The following DMD variants were observed in gnomAD, a reference collection of about 807,000 sequenced individuals.
DMD encodes the protein dystrophin.
Under a neutral mutation model 330.1 loss-of-function variants are expected in DMD, and 63 were observed. That is an observed-to-expected ratio of 0.19 (90% CI 0.16 to 0.24). DMD has a LOEUF of 0.24. Ranked by LOEUF, DMD falls within the 10% of genes least tolerant of loss-of-function variation. DMD has a pLI of 1.00. For synonymous variants in DMD, 1,223 were observed against 959.8 expected (o/e 1.27, Z -5.07); for missense variants, 3,344 against 2,684.1 (o/e 1.25, Z -5.43).
Position 32,014,220 on chromosome X carries a change from C to T in DMD, c.6439-45706G>A, listed in dbSNP as rs924883334. 4.6e-4 allele frequency among the ~76,000 whole-genome samples: 51 copies of T among 111,920 alleles called. 2 individuals carry two copies. The highest frequency in any genetic ancestry group is 1.4e-3 in the African/African-American group (42 of 30,846). ...CCTGAAGTAATTCATGGGGTCATAA[C>T]GTGCACTTTTAGTGTATGATGCATG... On this transcript the variant is annotated intron_variant, in intron 44 of 78. Coordinates refer to ENST00000357033, the MANE Select transcript of DMD (RefSeq NM_004006.3).
At chrX:32,124,123 A>G (rs1329020047) in intron 44 of DMD, among the ~76,000 whole-genome samples, 1 of 112,152 alleles carries the variant, frequency 8.9e-6, no homozygotes, top group African/African-American at 3.2e-5. Flanking sequence ...TAATATAATG[A>G]TGTTAAGAGC....
intron 44 of DMD, among the ~76,000 whole-genome samples, chrX:31,970,620 G>A (rs188876574): frequency 4.5e-5 from 5 of 110,608 alleles, no homozygotes; most frequent in African/African-American, 1.3e-4. Flanking sequence ...GTGAGAGTAC[G>A]GCAGAAGTTA....
intron 21 of DMD, among the ~76,000 whole-genome samples, chrX:32,477,443 G>T (rs1233185485): frequency 9.0e-6 from 1 of 110,671 alleles, no homozygotes; most frequent in Non-Finnish European, 1.9e-5. Flanking sequence ...TTTAAAAACT[G>T]CTTGTCTTTA....
intron 1 of DMD, among the ~76,000 whole-genome samples, chrX:33,114,744 C>G (rs915671954): frequency 8.9e-6 from 1 of 111,993 alleles, no homozygotes; most frequent in African/African-American, 3.2e-5. Flanking sequence ...GATAGTAACA[C>G]TAGCTTTACT....
chrX:31,634,533 C>G (rs994060533), intron 54 of DMD, among the ~76,000 whole-genome samples: 1 of 111,472 alleles, frequency 9.0e-6, no homozygotes, highest in Non-Finnish European at 1.9e-5. Context: ...AAACTTCCTT[C>G]ACTGATACAG....
intron 44 of DMD, among the ~76,000 whole-genome samples, chrX:32,038,237 G>A (rs1476979255): frequency 9.0e-6 from 1 of 111,707 alleles, no homozygotes; most frequent in Non-Finnish European, 1.9e-5. Flanking sequence ...TCTATCGACT[G>A]CCTTAAGCCA....
chrX:33,291,689 T>G (rs761950075), intron 1 of DMD, among the ~76,000 whole-genome samples: 1 of 111,318 alleles, frequency 9.0e-6, no homozygotes, highest in South Asian at 3.7e-4. Flanking sequence ...TTTTTCTGTG[T>G]CTCCGTCTTC....
chrX:31,378,060 G>A (rs1275017152), intron 60 of DMD, among the ~76,000 whole-genome samples: 2 of 111,017 alleles, frequency 1.8e-5, no homozygotes, highest in Non-Finnish European at 3.8e-5. Context: ...CCCCACCCCT[G>A]TCTCCCTTTG....
At chrX:31,381,223 C>T (rs1227882471) in intron 60 of DMD, among the ~76,000 whole-genome samples, 1 of 111,229 alleles carries the variant, frequency 9.0e-6, no homozygotes, top group African/African-American at 3.3e-5. Flanking sequence ...TCATCCCAAC[C>T]CTTTTCATTA....
intron 2 of DMD, among the ~76,000 whole-genome samples, chrX:33,005,397 C>G (rs1036440295): frequency 9.2e-6 from 1 of 108,849 alleles, no homozygotes. Flanking sequence ...ATGTTAGTAT[C>G]TCACACTTAA....
intron 6 of DMD, among the ~76,000 whole-genome samples, chrX:32,813,831 G>A (rs780437571): frequency 1.8e-5 from 2 of 111,475 alleles, no homozygotes; most frequent in South Asian, 3.7e-4. Context: ...TTAAAATGAG[G>A]TATACTCATA....
chrX:32,086,498 C>T (rs762208905), intron 44 of DMD, among the ~76,000 whole-genome samples: 33 of 111,066 alleles, frequency 3.0e-4, no homozygotes, highest in Non-Finnish European at 5.5e-4. Context: ...CAGCCTTTGA[C>T]GCAAAAAACT....
chrX:33,105,090 T>C, intron 1 of DMD, among the ~76,000 whole-genome samples: 1 of 112,184 alleles, frequency 8.9e-6, no homozygotes, highest in South Asian at 3.7e-4. Context: ...ACATAGACCA[T>C]TGGAATAGAA....
intron 1 of DMD, among the ~76,000 whole-genome samples, chrX:33,023,339 A>G (rs747810807): frequency 1.8e-5 from 2 of 111,746 alleles, no homozygotes; most frequent in Admixed American, 9.5e-5. Flanking sequence ...TCTTCGAAAA[A>G]ATTATCAGTT....
intron 44 of DMD, among the ~76,000 whole-genome samples, chrX:32,001,368 T>A (rs1281365198): frequency 1.8e-5 from 2 of 111,177 alleles, no homozygotes; most frequent in Non-Finnish European, 3.8e-5. Context: ...CTAAACCAGA[T>A]GATTACTACC....
intron 55 of DMD, among the ~76,000 whole-genome samples, chrX:31,598,897 T>A (rs1365520105): frequency 3.6e-5 from 4 of 112,164 alleles, no homozygotes; most frequent in African/African-American, 1.3e-4. Context: ...TAAAAACAGA[T>A]GTTATTCAAA....
At chrX:32,048,309 T>C (rs1475982624) in intron 44 of DMD, among the ~76,000 whole-genome samples, 1 of 106,264 alleles carries the variant, frequency 9.4e-6, no homozygotes, top group Non-Finnish European at 1.9e-5. Flanking sequence ...TGTGTTTTTT[T>C]TTTTCATCTG....
chrX:32,751,346 T>G (rs2070782735), intron 7 of DMD, among the ~76,000 whole-genome samples: 1 of 111,126 alleles, frequency 9.0e-6, no homozygotes, highest in African/African-American at 3.3e-5. Context: ...ATGAGCAACT[T>G]GTTGGGAGCC....
intron 7 of DMD, among the ~76,000 whole-genome samples, chrX:32,807,122 T>TTAAAAAAAAAAAAAAAAAAAAAA (rs1345640031): frequency 9.6e-5 from 2 of 20,741 alleles, no homozygotes; most frequent in African/African-American, 4.4e-4. Flanking sequence ...CGGAAACATT[T>TTAAAAAAAAAAAAAAAAAAAAAA]AAAAAAAAAA....
Sources: gnomAD v4.1 joint callset for allele counts (sites outside exome capture counted in the v4.1 genomes callset) on GRCh38, gnomAD v4.1.1 for gene constraint, MANE v1.5 for transcripts, NCBI Gene and HGNC (gene_info 2026-07-23, HGNC 2026-07-21) for gene names.